SOCS5: variants seen among roughly 807,000 people sequenced by gnomAD.
SOCS5 encodes the protein suppressor of cytokine signaling 5, also known as CIS-6.
SOCS5 carries 32 observed loss-of-function variants against 42.8 expected under a neutral mutation model. The ratio of observed to expected loss-of-function variants is 0.75; its 90% confidence interval spans 0.56 to 1.01. The LOEUF (loss-of-function observed/expected upper bound fraction) is 1.01. Ranked by LOEUF, SOCS5 falls within the 50% of genes least tolerant of loss-of-function variation. The pLI is 0.00. For missense variants in SOCS5, 627 were observed against 653.0 expected, an observed-to-expected ratio of 0.96 and a Z score of 0.43; for synonymous variants, 283 against 229.6, an observed-to-expected ratio of 1.23 and a Z score of -2.10.
chr2:46,743,270 A>C (rs1022192468), intron 1 of SOCS5, among the ~76,000 whole-genome samples: 1 of 152,162 alleles, frequency 6.6e-6, no homozygotes, highest in African/African-American at 2.4e-5. Flanking sequence ...AGTGAAAGCA[A>C]GTTTATTAAT....
intron 1 of SOCS5, among the ~76,000 whole-genome samples, chr2:46,752,738 A>C (rs926874196): frequency 6.6e-6 from 1 of 152,214 alleles, no homozygotes; most frequent in East Asian, 1.9e-4. Flanking sequence ...TCTCCATGAC[A>C]GCCACAACAG....
At chr2:46,736,683 C>T (rs1673253156) in intron 1 of SOCS5, among the ~76,000 whole-genome samples, 2 of 152,088 alleles carry the variant, frequency 1.3e-5, no homozygotes, top group Admixed American at 6.5e-5. Flanking sequence ...AATAATATTC[C>T]ATTACGTATG....
intron 1 of SOCS5, among the ~76,000 whole-genome samples, chr2:46,738,270 A>G (rs1015497466): frequency 6.6e-6 from 1 of 152,196 alleles, no homozygotes; most frequent in Non-Finnish European, 1.5e-5. Context: ...CAGGAGAGAG[A>G]CTAAGGTGTT....
chr2:46,726,738 A>AATTATTATTATTATTATT (rs111456718), intron 1 of SOCS5, among the ~76,000 whole-genome samples: 22 of 145,462 alleles, frequency 1.5e-4, no homozygotes, highest in African/African-American at 5.1e-4. Flanking sequence ...TTCAGTTCTA[A>AATTATTATTATTATTATT]ATTATTATTA....
intron 1 of SOCS5, among the ~76,000 whole-genome samples, chr2:46,730,474 C>T (rs889401213): frequency 2.6e-5 from 4 of 152,098 alleles, no homozygotes; most frequent in Non-Finnish European, 5.9e-5. Context: ...GTGGTGGGCG[C>T]CTGTAATCCC....
Position 46,762,888 on chromosome 2 carries a change from A to C in SOCS5, c.*2747A>C, listed in dbSNP as rs914850065. 3 of 165,856 alleles carry C rather than the reference A, an allele frequency of 1.8e-5. No homozygotes were observed. Among genetic ancestry groups the C allele is most frequent in the South Asian group, 2.1e-4 (1 of 4,804 alleles). 10.3% of individuals were successfully genotyped at this position (165,856 alleles called of 1,614,324 possible). A position where few individuals can be genotyped will look rare whatever the true frequency, so the allele number is the denominator to read the frequency against. ...TTCATTCCCTTACACACACACACAC[A>C]CCTCTCCCTTCCGCATACATATAAG... is the stretch of plus-strand genomic sequence containing the variant. On this transcript the variant is annotated 3_prime_UTR_variant, in exon 2 of 2. Coordinates refer to ENST00000394861, the MANE Select transcript of SOCS5 (RefSeq NM_144949.3).
At chr2:46,736,374 T>G (rs1215183965) in intron 1 of SOCS5, among the ~76,000 whole-genome samples, 1 of 152,154 alleles carries the variant, frequency 6.6e-6, no homozygotes, top group African/African-American at 2.4e-5. Flanking sequence ...TATAGTTCAG[T>G]GGCATTAAGC....
chr2:46,732,846 C>T (rs1458243689), intron 1 of SOCS5, among the ~76,000 whole-genome samples: 2 of 152,100 alleles, frequency 1.3e-5, no homozygotes, highest in Non-Finnish European at 2.9e-5. Context: ...GTAATTTCAT[C>T]TCTTGATATT....
Position 46,745,290 on chromosome 2 carries a change from A to G in SOCS5, c.-12-13229A>G, listed in dbSNP as rs796094207. Among the ~76,000 whole-genome samples the G allele has an allele frequency of 5.9e-5, 9 of 152,342 alleles. 1 individual carries two copies. Among genetic ancestry groups the G allele is most frequent in the African/African-American group, 1.9e-4 (8 of 41,566 alleles). On this transcript the variant is annotated intron_variant, in intron 1 of 1. Coordinates refer to ENST00000394861, the MANE Select transcript of SOCS5 (RefSeq NM_144949.3). ...TAAGCCATGTTTATGGGAAATGACTATACCTTAAACTGTGTAGAAGTTCTT... is the reference window on the plus strand; with the variant it reads ...TAAGCCATGTTTATGGGAAATGACTGTACCTTAAACTGTGTAGAAGTTCTT...
chr2:46,726,291 T>C (rs2103719699), intron 1 of SOCS5, among the ~76,000 whole-genome samples: 1 of 152,128 alleles, frequency 6.6e-6, no homozygotes, highest in South Asian at 2.1e-4. Context: ...AGAGACGTGG[T>C]TTCACCATAC....
At chr2:46,737,441 C>T (rs759047218) in intron 1 of SOCS5, among the ~76,000 whole-genome samples, 1 of 152,054 alleles carries the variant, frequency 6.6e-6, no homozygotes, top group Non-Finnish European at 1.5e-5. Context: ...AACTCCATTC[C>T]TACTGGGTGA....
At position 46,762,918 on chromosome 2, in the gene SOCS5, TA is replaced by T. The variant is rs1463891054; in HGVS notation, c.*2778del. Reference sequence around the variant, plus strand: ...TCCCTTCCGCATACATATAAGTGTGTATTATATATTTATGTATGCACATATA... The same window carrying T: ...TCCCTTCCGCATACATATAAGTGTGTTTATATATTTATGTATGCACATATA... On this transcript the variant is annotated 3_prime_UTR_variant, in exon 2 of 2. Transcript: ENST00000394861. The T allele has an allele frequency of 1.2e-5, 2 of 167,058 alleles. No homozygotes were observed. Among genetic ancestry groups the T allele is most frequent in the Non-Finnish European group, 2.9e-5 (2 of 68,086 alleles). 10.3% of individuals were successfully genotyped at this position (167,058 alleles called of 1,614,324 possible).
chr2:46,702,000 T>C (rs1188337760), intron 1 of SOCS5, among the ~76,000 whole-genome samples: 2 of 151,818 alleles, frequency 1.3e-5, no homozygotes, highest in Non-Finnish European at 2.9e-5. Flanking sequence ...ATAGTTATAA[T>C]AGAGAAAGAC....
chr2:46,716,173 G>A (rs1052044190), intron 1 of SOCS5, among the ~76,000 whole-genome samples: 4 of 149,318 alleles, frequency 2.7e-5, no homozygotes, highest in African/African-American at 9.8e-5. Flanking sequence ...TTCTCTATGA[G>A]GTATTTCCTT....
chr2:46,747,096 C>G (rs1270158643), intron 1 of SOCS5, among the ~76,000 whole-genome samples: 2 of 151,914 alleles, frequency 1.3e-5, no homozygotes, highest in Non-Finnish European at 2.9e-5. Flanking sequence ...ATTACTGATT[C>G]AAAGTCTTTA....
Position 46,759,854 on chromosome 2 carries a change from C to T in SOCS5, c.1324C>T (p.His442Tyr). ...GAATCACAACTTTAGTTTCGACGCCCATGACCCGTGTGTATTTCACTCCTC... is the reference window on the plus strand; with the variant it reads ...GAATCACAACTTTAGTTTCGACGCCTATGACCCGTGTGTATTTCACTCCTC... The part of the protein sequence containing the change: ...QWNHNFSFDA[H>Y]DPCVFHSSTV... The change falls in exon 2 of 2, where the codon CAT becomes TAT. Residue 442 changes from histidine to tyrosine, a missense_variant. By Grantham distance (83) the His-to-Tyr change is moderately conservative. Around this residue, in one of 3 missense-constraint regions of SOCS5, gnomAD observed 340 missense variants for 367.6 expected, o/e 0.92. Transcript: ENST00000394861. 6 of 1,614,152 alleles carry T rather than the reference C, an allele frequency of 3.7e-6. No homozygotes were observed. The highest frequency in any genetic ancestry group is 5.1e-6 in the Non-Finnish European group (6 of 1,180,024).
chr2:46,761,034 T>C lies in SOCS5; in HGVS notation c.*893T>C, dbSNP rs945198426. ...AGATAATAGTAACTACAATGGTTGC[T>C]GATGTTGAGATTATTGTTGAACTAT... On this transcript the variant is annotated 3_prime_UTR_variant, in exon 2 of 2. Coordinates refer to ENST00000394861, the MANE Select transcript of SOCS5 (RefSeq NM_144949.3). The C allele has an allele frequency of 1.8e-5, 3 of 167,108 alleles. No individual in the cohort carries two copies. Among genetic ancestry groups the C allele is most frequent in the African/African-American group, 7.2e-5 (3 of 41,462 alleles). The allele number at this position is 167,108 out of a possible 1,614,324, so 10.4% of individuals were successfully genotyped here. A position where few individuals can be genotyped will look rare whatever the true frequency, so the allele number is the denominator to read the frequency against.
chr2:46,753,853 G>A (rs535072713), intron 1 of SOCS5, among the ~76,000 whole-genome samples: 1 of 152,144 alleles, frequency 6.6e-6, no homozygotes, highest in Non-Finnish European at 1.5e-5. Context: ...AGCTGTCATG[G>A]TGCTGGTGGG....
intron 1 of SOCS5, among the ~76,000 whole-genome samples, chr2:46,728,950 A>G (rs954402927): frequency 6.6e-6 from 1 of 152,162 alleles, no homozygotes; most frequent in African/African-American, 2.4e-5. Context: ...GTCAGAATCA[A>G]CCTGGGAACT....
Sources: gnomAD v4.1 joint callset for allele counts (sites outside exome capture counted in the v4.1 genomes callset) on GRCh38, gnomAD v4.1.1 for gene constraint, gnomAD v4.1.1 regional missense constraint, MANE v1.5 for transcripts, NCBI Gene and HGNC (gene_info 2026-07-23, HGNC 2026-07-21) for gene names.